The following SOX6 variants were observed in gnomAD, a reference collection of about 807,000 sequenced individuals.
The protein encoded by SOX6 is transcription factor SOX-6.
In SOX6, 11 loss-of-function variants were observed where a neutral mutation model predicts 97.8. The ratio of observed to expected loss-of-function variants is 0.11; its 90% CI spans 0.07 to 0.19. The LOEUF (loss-of-function observed/expected upper bound fraction) is 0.19. Among genes scored for constraint, SOX6 ranks in the 10% least tolerant of loss-of-function variants. The probability of loss-of-function intolerance (pLI) is 1.00; values close to 1 mark genes in which losing one functional copy is unlikely to be tolerated. For synonymous variants in SOX6, 360 were observed against 371.4 expected, an observed-to-expected ratio of 0.97 and a Z score of 0.35; for missense variants, 810 against 1,039.5, an observed-to-expected ratio of 0.78 and a Z score of 3.04.
chr11:16,594,757 C>A (rs1475415196), intron 4 of SOX6, among the ~76,000 whole-genome samples: 3 of 114,954 alleles, frequency 2.6e-5, no homozygotes, highest in Admixed American at 1.3e-4. Flanking sequence ...GTGGCGTGAT[C>A]TCGGCTCACT....
chr11:16,352,340 T>C (rs928273484), intron 1 of SOX6, among the ~76,000 whole-genome samples: 2 of 151,904 alleles, frequency 1.3e-5, no homozygotes, highest in Admixed American at 1.3e-4. Context: ...AAAAGATACA[T>C]AGATAATTTT....
intron 4 of SOX6, chr11:16,484,059 G>A (rs1860391351): frequency 2.6e-6 from 2 of 776,640 alleles, no homozygotes; most frequent in South Asian, 2.7e-5. Flanking sequence ...GGGGCTGTAG[G>A]CAGTCACCAC....
At position 16,049,840 on chromosome 11, in the gene SOX6, G is replaced by T; in HGVS notation, c.1350C>A (p.Ala450=). ...GCAGATTGACAGGGCTGGTTTTGCT[G>T]GCTGGGAAGAGGTTCTGGGTGGGAG... The part of the protein sequence containing the change: ...PTSPTQNLFP[A]SKTSPVNLPN... Residue 450 remains alanine, a synonymous_variant, in exon 11 of 16, where the codon GCC becomes GCA. Transcript: ENST00000683767. 1 of 1,613,734 alleles carries T rather than the reference G, an allele frequency of 6.2e-7. No homozygotes were observed. The highest frequency in any genetic ancestry group is 8.5e-7 in the Non-Finnish European group (1 of 1,179,784).
chr11:16,171,290 G>T (rs972748758), intron 6 of SOX6, among the ~76,000 whole-genome samples: 1 of 151,910 alleles, frequency 6.6e-6, no homozygotes, highest in African/African-American at 2.4e-5. Context: ...TCTACCCAAT[G>T]GTTATATGGT....
In SOX6 at chr11:16,651,282, T is replaced by C. The variant is rs1847647764; in HGVS notation, n.430-39022A>G. Among the ~76,000 whole-genome samples the C allele has an allele frequency of 3.3e-5, 5 of 152,052 alleles. No individual in the cohort carries two copies. In the South Asian group the frequency reaches 1.0e-3, roughly 32 times the overall value. ...CCCTAAAGATCATTCTATGAAGCCA[T>C]TATCACCCTAATTCCAAAACCAGGA... On this transcript the variant is annotated intron_variant and non_coding_transcript_variant, in intron 3 of 5. Transcript: ENST00000524520.
intron 6 of SOX6, among the ~76,000 whole-genome samples, chr11:16,117,654 G>T (rs1183472137): frequency 6.6e-6 from 1 of 152,136 alleles, no homozygotes; most frequent in Non-Finnish European, 1.5e-5. Context: ...AAACATCCAG[G>T]ATATTTTCCT....
rs1483432101 is a variant in SOX6, at chr11:15,970,119, C to CT, written c.*2689dup. On this transcript the variant is annotated 3_prime_UTR_variant, in exon 16 of 16. Transcript: ENST00000683767. ...AGCCCACACGAGTCGAAACAGATGA[C>CT]TTTTGTTCATGTAGTTTTCGTACAA... 3.3e-5 allele frequency: 5 copies of CT among 152,264 alleles called. No individual in the cohort carries two copies. The highest frequency in any genetic ancestry group is 7.4e-5 in the Non-Finnish European group (5 of 68,024). 9.4% of individuals were successfully genotyped at this position (152,264 alleles called of 1,614,324 possible). A position where few individuals can be genotyped will look rare whatever the true frequency, so the allele number is the denominator to read the frequency against.
Position 16,283,019 on chromosome 11 carries a change from GTATA to G in SOX6, c.445+35423_445+35426del, listed in dbSNP as rs10581082. 3.2e-3 allele frequency among the ~76,000 whole-genome samples: 428 copies of G among 133,092 alleles called. 3 individuals are homozygous for G. Among genetic ancestry groups the G allele is most frequent in the East Asian group, 0.013 (63 of 4,772 alleles). 87.3% of individuals were successfully genotyped at this position (133,092 alleles called of 152,430 possible). On this transcript the variant is annotated intron_variant, in intron 3 of 15. Transcript: ENST00000683767. ...AGAAAGGGAGCCCTATGAGATGTGA[GTATA>G]TATATATATATATATATATGTAAAT...
At chr11:16,698,750 A>C (rs979675988) in intron 3 of SOX6, among the ~76,000 whole-genome samples, 2 of 152,182 alleles carry the variant, frequency 1.3e-5, no homozygotes, top group Non-Finnish European at 2.9e-5. Context: ...AATAGAGAGG[A>C]CTGAGGAGAG....
intron 9 of SOX6, among the ~76,000 whole-genome samples, chr11:16,084,601 T>G (rs1427600638): frequency 6.6e-6 from 1 of 152,118 alleles, no homozygotes; most frequent in Non-Finnish European, 1.5e-5. Flanking sequence ...GGAAATTAGC[T>G]CATGATCACT....
intron 6 of SOX6, among the ~76,000 whole-genome samples, chr11:16,124,033 T>C (rs1222002905): frequency 6.6e-6 from 1 of 152,126 alleles, no homozygotes. Flanking sequence ...CTTTCCTCTC[T>C]TCTTTGCCTT....
At chr11:15,986,540 A>T in intron 14 of SOX6, 120 bp from the exon 15 acceptor site, 1 of 870,090 alleles carries the variant, frequency 1.1e-6, no homozygotes, top group East Asian at 2.6e-5. Context: ...TCCAATTCCC[A>T]CATACCACTG....
chr11:16,415,327 T>TAA (rs200072059), intron 1 of SOX6, among the ~76,000 whole-genome samples: 26 of 146,090 alleles, frequency 1.8e-4, no homozygotes, highest in East Asian at 7.9e-4. Flanking sequence ...TATGGATGCT[T>TAA]AAAAAAAAAA....
intron 7 of SOX6, among the ~76,000 whole-genome samples, chr11:16,102,373 C>A (rs756141047): frequency 6.6e-6 from 1 of 151,758 alleles, no homozygotes; most frequent in African/African-American, 2.4e-5. Flanking sequence ...TGAAAGAAAT[C>A]ATAGATTATA....
intron 6 of SOX6, among the ~76,000 whole-genome samples, chr11:16,155,186 T>C (rs961615770): frequency 6.6e-6 from 1 of 152,172 alleles, no homozygotes; most frequent in Non-Finnish European, 1.5e-5. Context: ...ATACATCACA[T>C]AGTGGTTAGG....
Position 15,997,642 on chromosome 11 carries a change from G to A in SOX6, c.1733-8412C>T, listed in dbSNP as rs1053916600. 1.6e-4 allele frequency among the ~76,000 whole-genome samples: 24 copies of A among 152,122 alleles called. 1 individual carries two copies. Among genetic ancestry groups the A allele is most frequent in the Admixed American group, 2.0e-4 (3 of 15,268 alleles). On this transcript the variant is annotated intron_variant, in intron 13 of 15. Transcript: ENST00000683767. ...CAACATTCAATACTCAATCATGTTA[G>A]AAATGCTCAGGAAATTAGTATTAAA...
intron 4 of SOX6, among the ~76,000 whole-genome samples, chr11:16,583,618 T>TATATATATATACACACACACACAC (rs777859840): frequency 4.4e-4 from 56 of 126,014 alleles, no homozygotes; most frequent in African/African-American, 1.4e-3. Flanking sequence ...TATATACATA[T>TATATATATATACACACACACACAC]ATATATATAT....
chr11:16,479,419 ACT>A (rs1860305669), upstream of SOX6, among the ~76,000 whole-genome samples: 1 of 151,978 alleles, frequency 6.6e-6, no homozygotes, highest in Non-Finnish European at 1.5e-5. Flanking sequence ...AATCCCAGCT[ACT>A]CAGGAGGCTG....
chr11:16,391,872 C>T (rs1016622165), intron 1 of SOX6, among the ~76,000 whole-genome samples: 2 of 151,770 alleles, frequency 1.3e-5, no homozygotes, highest in Non-Finnish European at 2.9e-5. Flanking sequence ...ATTTTCTATA[C>T]TGATTTTATA....
Sources: allele counts gnomAD v4.1 joint callset (sites outside exome capture counted in the v4.1 genomes callset), GRCh38; gene constraint gnomAD v4.1.1; transcripts MANE v1.5; gene names NCBI Gene and HGNC (gene_info 2026-07-23, HGNC 2026-07-21).